The following GLS2 variants were observed in gnomAD, a reference collection of about 807,000 sequenced individuals.
GLS2 encodes the protein glutaminase liver isoform, mitochondrial.
GLS2 carries 52 observed loss-of-function variants against 79.0 expected under a neutral mutation model. That is an observed-to-expected ratio of 0.66 (90% CI 0.53 to 0.83). The LOEUF (loss-of-function observed/expected upper bound fraction) is 0.83. Ranked by LOEUF, GLS2 falls within the 40% of genes least tolerant of loss-of-function variation. The pLI is 0.00. For synonymous variants in GLS2, 238 were observed against 280.8 expected (o/e 0.85, Z 1.52); for missense variants, 561 against 764.8 (o/e 0.73, Z 3.14).
In GLS2 at chr12:56,471,308, C is replaced by G. The variant is rs540543172; in HGVS notation, c.*179G>C. The G allele has an allele frequency of 3.4e-5, 22 of 638,928 alleles. 1 individual carries two copies. The South Asian group carries it at 4.4e-4, about 13-fold the overall frequency. 39.6% of individuals were successfully genotyped at this position (638,928 alleles called of 1,614,324 possible). Reference sequence around the variant, plus strand: ...GTCCTCTGAGGCCCTTCTCTGTACTCTGTCTGCTGAGGGAATGGGGTATTT... The same window carrying G: ...GTCCTCTGAGGCCCTTCTCTGTACTGTGTCTGCTGAGGGAATGGGGTATTT... On this transcript the variant is annotated 3_prime_UTR_variant, in exon 18 of 18. Transcript: ENST00000311966.
At chr12:56,472,035 G>A (rs900929278) in intron 16 of GLS2, 84 bp downstream of exon 16, 2 of 1,469,356 alleles carry the variant, frequency 1.4e-6, no homozygotes, top group South Asian at 2.3e-5. Flanking sequence ...ATAACCTTGA[G>A]GGCACATATA....
intron 1 of GLS2, among the ~76,000 whole-genome samples, chr12:56,485,516 T>C (rs1298862236): frequency 1.3e-5 from 2 of 152,092 alleles, no homozygotes; most frequent in African/African-American, 2.4e-5. Flanking sequence ...CCCCCTGCCT[T>C]GGCCACCCAC....
chr12:56,474,754 T>G, intron 11 of GLS2, 34 bp from the exon 12 acceptor site: 1 of 1,610,656 alleles, frequency 6.2e-7, no homozygotes, highest in Non-Finnish European at 8.5e-7. Flanking sequence ...AGATGTGACG[T>G]GAACCTGCAC....
intron 1 of GLS2, among the ~76,000 whole-genome samples, chr12:56,483,520 T>C (rs1870462852): frequency 6.6e-6 from 1 of 152,204 alleles, no homozygotes; most frequent in Non-Finnish European, 1.5e-5. Context: ...AGAATTGATA[T>C]GGAATTATCT....
rs374725527 is a variant in GLS2 at position 56,471,651 on chromosome 12, G to A, written c.1653-8C>T. On this transcript the variant is annotated splice_polypyrimidine_tract_variant and splice_region_variant and intron_variant, in intron 17 of 17. Coordinates refer to ENST00000311966, the MANE Select transcript of GLS2 (RefSeq NM_013267.4). ...AGGGGAATGTTGCCCCACCTGAGAG[G>A]AATAATGATATGATCAGGCAAAGGA... is the stretch of plus-strand genomic sequence containing the variant. The A allele has an allele frequency of 5.0e-6, 8 of 1,613,910 alleles. No individual in the cohort carries two copies. Among genetic ancestry groups the A allele is most frequent in the Non-Finnish European group, 6.8e-6 (8 of 1,179,882 alleles).
chr12:56,472,889 T>A, intron 14 of GLS2, 138 bp from the exon 15 acceptor site: 1 of 575,332 alleles, frequency 1.7e-6, no homozygotes, highest in Non-Finnish European at 2.9e-6. Context: ...AATATTCTTT[T>A]TTTTTTTTTT....
At chr12:56,478,458 A>G (rs566618867) in intron 4 of GLS2, 196 bp from the exon 5 acceptor site, 488 of 593,072 alleles carry the variant, frequency 8.2e-4, no homozygotes, top group Non-Finnish European at 1.2e-3. Context: ...TGTATCCGCA[A>G]TCCTGTAGAG....
chr12:56,476,061 G>A, intron 7 of GLS2, 84 bp from the exon 8 acceptor site: 2 of 1,346,210 alleles, frequency 1.5e-6, no homozygotes, highest in South Asian at 2.4e-5. Context: ...TGGAGTTCTA[G>A]TGTTAGTCTG....
intron 4 of GLS2, chr12:56,478,582 A>AT (rs1268067008): frequency 3.0e-6 from 1 of 333,622 alleles, no homozygotes; most frequent in Non-Finnish European, 5.6e-6. Context: ...TTCGATCTTG[A>AT]TTCCCTCACC....
chr12:56,481,574 A>G (rs1222879907), intron 1 of GLS2, among the ~76,000 whole-genome samples: 1 of 151,344 alleles, frequency 6.6e-6, no homozygotes, highest in African/African-American at 2.4e-5. Context: ...GTAGCTCCCC[A>G]GTGCCTACAG....
At chr12:56,476,915 C>T (rs1869878850) in intron 7 of GLS2, 1 of 152,024 alleles carries the variant, frequency 6.6e-6, no homozygotes, top group South Asian at 2.1e-4. Flanking sequence ...TAAAAAAGGT[C>T]CTACTTAGAT....
rs757129461 is a variant in GLS2 at position 56,479,145 on chromosome 12, T to C, written c.441A>G (p.Ala147=). The change falls in exon 4 of 18, where the codon GCA becomes GCG. Residue 147 remains alanine (A), a synonymous_variant. Coordinates refer to ENST00000311966, the MANE Select transcript of GLS2 (RefSeq NM_013267.4). ...CAGGAATGACAAACTTCTTTCGGAA[T>C]GCCTGGGTCAGGAGCACAATGTTGC... is the stretch of plus-strand genomic sequence containing the variant. ...VSSNIVLLTQ[A]FRKKFVIPDF... 6.2e-7 allele frequency: 1 copy of C among 1,614,056 alleles called. No homozygotes were observed. Among genetic ancestry groups the C allele is most frequent in the Non-Finnish European group, 8.5e-7 (1 of 1,180,018 alleles).
chr12:56,473,230 G>A lies in GLS2; in HGVS notation c.1447C>T (p.Arg483Trp), dbSNP rs780717913. Reference protein sequence around the residue: ...LDPRREGAEIRNKTVVNLLFA... With the variant: ...LDPRREGAEIWNKTVVNLLFA... Reference sequence around the variant, plus strand: ...AAGCCACCTGGAGTTTTCCTTACCCGAATTTCTGCCCCTTCACGCCGTGGG... The same window carrying A: ...AAGCCACCTGGAGTTTTCCTTACCCAAATTTCTGCCCCTTCACGCCGTGGG... Residue 483 changes from arginine (R) to tryptophan (W), a missense_variant and splice_region_variant, in exon 14 of 18, where the codon CGG (arginine) becomes TGG (tryptophan). Physicochemically the swap from Arg to Trp is moderately radical, Grantham distance 101. Around this residue, in one of 4 missense-constraint regions of GLS2, gnomAD observed 136 missense variants for 228.6 expected, o/e 0.59. Coordinates refer to ENST00000311966, the MANE Select transcript of GLS2 (RefSeq NM_013267.4). 2.0e-5 allele frequency: 33 copies of A among 1,613,792 alleles called. No individual in the cohort carries two copies. Among genetic ancestry groups the A allele is most frequent in the African/African-American group, 5.3e-5 (4 of 74,868 alleles).
At chr12:56,484,142 C>T (rs537158629) in intron 1 of GLS2, among the ~76,000 whole-genome samples, 1 of 152,186 alleles carries the variant, frequency 6.6e-6, no homozygotes, top group South Asian at 2.1e-4. Flanking sequence ...TGGTGGCGCG[C>T]ACCTGTAATC....
chr12:56,486,965 CAGAGACTCGAGTAGTGGTGAGGT>C (rs1276918555), intron 1 of GLS2, among the ~76,000 whole-genome samples: 3 of 68,002 alleles, frequency 4.4e-5, no homozygotes, highest in Non-Finnish European at 8.6e-5. Flanking sequence ...AGTGTTGTGT[CAGAGACTCGAGTAGTGGTGAGGT>C]AGTGTTGTGT....
chr12:56,473,719 G>A, intron 12 of GLS2, 125 bp from the exon 13 acceptor site: 1 of 1,215,816 alleles, frequency 8.2e-7, no homozygotes, highest in Non-Finnish European at 1.1e-6. Context: ...TCAACCTTTT[G>A]GCTTGTTAAT....
At position 56,477,962 on chromosome 12, in the gene GLS2, C is replaced by T. The variant is rs781271362; in HGVS notation, c.749G>A (p.Arg250His). The T allele has an allele frequency of 4.3e-5, 70 of 1,613,704 alleles. No individual in the cohort carries two copies. Among genetic ancestry groups the T allele is most frequent in the African/African-American group, 4.0e-5 (3 of 74,930 alleles). ...CTCATTGAGGGAGAGCTTGTTGTAG[C>T]GCAGGCCACTTGGCTCTTTGCCCAC... ...KFVGKEPSGL[R>H]YNKLSLNEEG... The change falls in exon 6 of 18, where the codon CGC becomes CAC. Residue 250 changes from arginine (R) to histidine (H), a missense_variant. Coordinates refer to ENST00000311966, the MANE Select transcript of GLS2 (RefSeq NM_013267.4).
chr12:56,476,007 C>G, intron 7 of GLS2, 30 bp from the exon 8 acceptor site: 1 of 1,608,990 alleles, frequency 6.2e-7, no homozygotes, highest in Non-Finnish European at 8.5e-7. Context: ...TGTCAGCATT[C>G]TAAGTGTAGG....
Position 56,473,256 on chromosome 12 carries a change from T to C in GLS2, c.1421A>G (p.Asp474Gly). The C allele has an allele frequency of 6.2e-7, 1 of 1,614,092 alleles. No individual in the cohort carries two copies. The highest frequency in any genetic ancestry group is 8.5e-7 in the Non-Finnish European group (1 of 1,180,016). The change falls in exon 14 of 18, where the codon GAC becomes GGC. Residue 474 changes from aspartate to glycine, a missense_variant. Physicochemically the swap from Asp to Gly is moderately conservative, Grantham distance 94. Coordinates refer to ENST00000311966, the MANE Select transcript of GLS2 (RefSeq NM_013267.4). ...DNLRHCARKLDPRREGAEIRN... is the reference protein window; with the variant it reads ...DNLRHCARKLGPRREGAEIRN... Reference sequence around the variant, plus strand: ...AATTTCTGCCCCTTCACGCCGTGGGTCTAACTTCCGAGCACAGTGCCTCAG... The same window carrying C: ...AATTTCTGCCCCTTCACGCCGTGGGCCTAACTTCCGAGCACAGTGCCTCAG...
Sources: allele counts gnomAD v4.1 joint callset (sites outside exome capture counted in the v4.1 genomes callset), GRCh38; gene constraint gnomAD v4.1.1; regional missense constraint gnomAD v4.1.1; transcripts MANE v1.5; gene names NCBI Gene and HGNC (gene_info 2026-07-23, HGNC 2026-07-21).